Variants in SENP5 observed in about 807,000 individuals in gnomAD.
SENP5 encodes the protein SUMO specific peptidase 5.
A neutral mutation model predicts 74.2 loss-of-function variants in SENP5; 21 were observed. That is an observed-to-expected ratio of 0.28 (90% CI 0.20 to 0.41). The LOEUF (loss-of-function observed/expected upper bound fraction) is 0.41, where lower values mean the gene tolerates loss of function less well. Ranked by LOEUF, SENP5 falls within the 10% of genes least tolerant of loss-of-function variation. SENP5 has a pLI of 1.00. For synonymous variants in SENP5, 311 were observed against 312.7 expected, an observed-to-expected ratio of 0.99 and a Z score of 0.06; for missense variants, 717 against 889.1, an observed-to-expected ratio of 0.81 and a Z score of 2.46.
intron 2 of SENP5, among the ~76,000 whole-genome samples, chr3:196,899,395 A>G (rs971810843): frequency 1.2e-5 from 1 of 84,116 alleles, no homozygotes; most frequent in African/African-American, 3.6e-5. Context: ...CTAGCTATCC[A>G]TTCCTTCTCT....
At chr3:196,874,562 A>G (rs1363922016) in intron 1 of SENP5, among the ~76,000 whole-genome samples, 1 of 151,356 alleles carries the variant, frequency 6.6e-6, no homozygotes, top group Non-Finnish European at 1.5e-5. Flanking sequence ...ATTTTTTTTC[A>G]CTTTCCTTTG....
Position 196,886,149 on chromosome 3 carries a change from T to A in SENP5, c.968T>A (p.Val323Glu), listed in dbSNP as rs771120531. Residue 323 changes from valine (V) to glutamate (E), a missense_variant, in exon 2 of 10, where the codon GTG (valine) becomes GAG (glutamate). Transcript: ENST00000323460. ...GTGGTGAAGGGGACGAACTCTCATGTGCCTGATTGCCACACTAAAGGAAGC... is the reference window on the plus strand; with the variant it reads ...GTGGTGAAGGGGACGAACTCTCATGAGCCTGATTGCCACACTAAAGGAAGC... Reference protein sequence around the residue: ...SAVVKGTNSHVPDCHTKGSSF... With the variant: ...SAVVKGTNSHEPDCHTKGSSF... 3.1e-6 allele frequency: 5 copies of A among 1,614,230 alleles called. No individual in the cohort carries two copies. Among genetic ancestry groups the A allele is most frequent in the Non-Finnish European group, 4.2e-6 (5 of 1,180,042 alleles).
intron 1 of SENP5, 145 bp from the exon 2 acceptor site, chr3:196,885,006 T>TCAGATAAGATTTCATTGTGTC (rs1713890974): frequency 1.8e-6 from 1 of 551,108 alleles, no homozygotes; most frequent in African/African-American, 1.9e-5. Context: ...AAAACCTTGG[T>TCAGATAAGATTTCATTGTGTC]CAGATAAGAT....
Position 196,927,307 on chromosome 3 carries a change from G to A in SENP5, c.2023-489G>A, listed in dbSNP as rs544964527. Reference sequence around the variant, plus strand: ...TGAAGACTTTCTTTTTGACTTGCCAGTATGTAAGTTTCAAATGCAGCAAGC... The same window carrying A: ...TGAAGACTTTCTTTTTGACTTGCCAATATGTAAGTTTCAAATGCAGCAAGC... On this transcript the variant is annotated intron_variant, in intron 7 of 9. Transcript: ENST00000323460. Among the ~76,000 whole-genome samples the A allele has an allele frequency of 6.6e-5, 10 of 152,302 alleles. No homozygotes were observed. The South Asian group carries it at 1.9e-3, about 28-fold the overall frequency.
chr3:196,895,498 C>CTT (rs35695598), intron 2 of SENP5, among the ~76,000 whole-genome samples: 5 of 151,596 alleles, frequency 3.3e-5, no homozygotes, highest in South Asian at 2.1e-4. Context: ...ACTTTAACTT[C>CTT]TTTTTTTTAA....
intron 2 of SENP5, among the ~76,000 whole-genome samples, chr3:196,895,476 G>A (rs548375951): frequency 6.6e-6 from 1 of 151,592 alleles, no homozygotes; most frequent in East Asian, 1.9e-4. Flanking sequence ...GTAAGCCACC[G>A]CGCCCGGCCT....
chr3:196,918,693 GTC>G (rs1317133854), intron 6 of SENP5, among the ~76,000 whole-genome samples: 19 of 152,136 alleles, frequency 1.2e-4, no homozygotes, highest in African/African-American at 4.6e-4. Flanking sequence ...ATGGACTAAA[GTC>G]TCTAATCAAA....
intron 2 of SENP5, among the ~76,000 whole-genome samples, chr3:196,897,408 A>G (rs1230570301): frequency 2.6e-5 from 4 of 152,224 alleles, no homozygotes; most frequent in African/African-American, 7.2e-5. Context: ...GCATGGGACT[A>G]TCTTCCTGTC....
rs1000917066 is a variant in SENP5, at chr3:196,892,768, G to A, written c.1513+6074G>A. Among the ~76,000 whole-genome samples, 36 of 152,126 alleles carry A rather than the reference G, an allele frequency of 2.4e-4. No individual in the cohort carries two copies. The South Asian group carries it at 4.6e-3, about 19-fold the overall frequency. On this transcript the variant is annotated intron_variant, in intron 2 of 9. Coordinates refer to ENST00000323460, the MANE Select transcript of SENP5 (RefSeq NM_152699.5). ...TACCGTTGATTCTCTACGTCTATGA[G>A]TTTGACTTTAGATTCCACATGTAAG...
chr3:196,874,787 G>T (rs1020488606), intron 1 of SENP5, among the ~76,000 whole-genome samples: 1 of 152,118 alleles, frequency 6.6e-6, no homozygotes, highest in African/African-American at 2.4e-5. Flanking sequence ...CCTGAGGCAG[G>T]AGAATTGCTT....
chr3:196,911,602 A>G (rs543036270), intron 6 of SENP5, among the ~76,000 whole-genome samples: 3 of 152,196 alleles, frequency 2.0e-5, no homozygotes, highest in Non-Finnish European at 2.9e-5. Context: ...AAACATATGA[A>G]AAAACCTCAT....
intron 1 of SENP5, among the ~76,000 whole-genome samples, chr3:196,884,434 T>C (rs1471777954): frequency 6.6e-6 from 1 of 152,232 alleles, no homozygotes; most frequent in Non-Finnish European, 1.5e-5. Flanking sequence ...TAAAATCTAA[T>C]ATTAGCGAAG....
intron 6 of SENP5, among the ~76,000 whole-genome samples, chr3:196,907,056 T>C (rs760847496): frequency 1.3e-5 from 2 of 152,336 alleles, no homozygotes; most frequent in South Asian, 2.1e-4. Flanking sequence ...GTGACTTGTA[T>C]GACTGGACGG....
intron 6 of SENP5, among the ~76,000 whole-genome samples, chr3:196,922,420 T>C (rs917993381): frequency 2.0e-5 from 3 of 152,160 alleles, no homozygotes; most frequent in Non-Finnish European, 4.4e-5. Context: ...CAGACTTGCT[T>C]CGGAGCCCAT....
At chr3:196,900,703 A>G (rs1714663957) in intron 5 of SENP5, among the ~76,000 whole-genome samples, 1 of 152,016 alleles carries the variant, frequency 6.6e-6, no homozygotes, top group Non-Finnish European at 1.5e-5. Context: ...CTCCTGTCTC[A>G]GCCTCCCGAC....
chr3:196,928,794 A>T (rs1715911840), intron 8 of SENP5, among the ~76,000 whole-genome samples: 1 of 152,184 alleles, frequency 6.6e-6, no homozygotes, highest in Non-Finnish European at 1.5e-5. Context: ...AGAACTAGTA[A>T]ATTTCCTGAA....
chr3:196,870,813 C>T (rs560301149), intron 1 of SENP5, among the ~76,000 whole-genome samples: 4 of 152,038 alleles, frequency 2.6e-5, no homozygotes, highest in African/African-American at 9.6e-5. Context: ...CCACTGTATC[C>T]GGTCAGCAGC....
chr3:196,906,353 G>C (rs780412495), intron 6 of SENP5, among the ~76,000 whole-genome samples: 5 of 152,166 alleles, frequency 3.3e-5, no homozygotes, highest in Admixed American at 6.5e-5. Flanking sequence ...AAATAAAGAG[G>C]TAAGTAAAAC....
chr3:196,926,677 C>T (rs1225780128), intron 7 of SENP5, among the ~76,000 whole-genome samples: 3 of 138,486 alleles, frequency 2.2e-5, no homozygotes, highest in Non-Finnish European at 4.6e-5. Flanking sequence ...CTCACTCTGT[C>T]CCCTGGGTTG....
Sources: allele counts gnomAD v4.1 joint callset (sites outside exome capture counted in the v4.1 genomes callset), GRCh38; gene constraint gnomAD v4.1.1; transcripts MANE v1.5; gene names NCBI Gene and HGNC (gene_info 2026-07-23, HGNC 2026-07-21).